LRRC37A: variants seen among roughly 807,000 people sequenced by gnomAD.
LRRC37A encodes the protein leucine-rich repeat-containing protein 37A.
In LRRC37A, 3 loss-of-function variants were observed where a neutral mutation model predicts 35.4. That is an observed-to-expected ratio of 0.08 (90% CI 0.04 to 0.22). LRRC37A has a LOEUF of 0.22. Ranked by LOEUF, LRRC37A falls within the 10% of genes least tolerant of loss-of-function variation. The pLI is 1.00. For missense variants in LRRC37A, 67 were observed against 565.3 expected, an observed-to-expected ratio of 0.12 and a Z score of 8.94; for synonymous variants, 23 against 215.0, an observed-to-expected ratio of 0.11 and a Z score of 7.81.
At chr17:46,282,847 G>A in the LRRC37A span, among the ~76,000 whole-genome samples, 4 of 152,216 alleles carry the variant, frequency 2.6e-5, no homozygotes, top group Non-Finnish European at 5.9e-5. Flanking sequence ...GGCTGGGCGC[G>A]GTGGCTCATG....
the LRRC37A span, among the ~76,000 whole-genome samples, chr17:46,280,664 C>T: frequency 2.0e-5 from 3 of 150,074 alleles, no homozygotes; most frequent in Admixed American, 1.3e-4. Context: ...GCCTCTGCCT[C>T]CCTGTTTCAA....
chr17:46,255,699 G>T, the LRRC37A span, among the ~76,000 whole-genome samples: 159 of 141,094 alleles, frequency 1.1e-3, no homozygotes, highest in African/African-American at 4.1e-3. Context: ...TTTTTGAGAC[G>T]GAGTCTCGCT....
the LRRC37A span, among the ~76,000 whole-genome samples, chr17:46,283,443 C>T: frequency 6.6e-6 from 1 of 152,214 alleles, no homozygotes; most frequent in Non-Finnish European, 1.5e-5. Context: ...ACACTAATTC[C>T]ATTTAAGATT....
the LRRC37A span, among the ~76,000 whole-genome samples, chr17:46,257,740 T>C: frequency 4.6e-5 from 7 of 151,278 alleles, no homozygotes; most frequent in African/African-American, 7.3e-5. Flanking sequence ...GAGGATCCCT[T>C]GAGCCTTGGA....
the LRRC37A span, among the ~76,000 whole-genome samples, chr17:46,276,790 C>CTTTTTTTTTTTT: frequency 2.2e-5 from 3 of 134,302 alleles, no homozygotes; most frequent in Non-Finnish European, 4.8e-5. Context: ...TTCTTTTTTT[C>CTTTTTTTTTTTT]TTTTTTTTTT....
the LRRC37A span, among the ~76,000 whole-genome samples, chr17:46,281,224 C>T: frequency 1.3e-5 from 2 of 152,092 alleles, no homozygotes; most frequent in Non-Finnish European, 2.9e-5. Context: ...TGACCCCTTG[C>T]TCCCCCCACC....
chr17:46,265,035 T>C, the LRRC37A span, among the ~76,000 whole-genome samples: 1 of 152,248 alleles, frequency 6.6e-6, no homozygotes, highest in Non-Finnish European at 1.5e-5. Context: ...TACTAGTGTT[T>C]ATATGACTAG....
At chr17:46,288,212 G>A (rs2049970286), upstream of LRRC37A, among the ~76,000 whole-genome samples, 1 of 151,820 alleles carries the variant, frequency 6.6e-6, no homozygotes, top group South Asian at 2.1e-4. Flanking sequence ...CAGGATCACG[G>A]CCCCCTGCAG....
the LRRC37A span, among the ~76,000 whole-genome samples, chr17:46,278,401 G>GTTTTTTTTTTT: frequency 3.9e-5 from 5 of 129,628 alleles, no homozygotes; most frequent in East Asian, 4.2e-4. Flanking sequence ...GTTTTATTTT[G>GTTTTTTTTTTT]TTTTTTTTTT....
At chr17:46,252,752 A>G in the LRRC37A span, among the ~76,000 whole-genome samples, 1 of 152,134 alleles carries the variant, frequency 6.6e-6, no homozygotes, top group Non-Finnish European at 1.5e-5. Context: ...GAACAAAATG[A>G]AAAGTCTCCC....
At chr17:46,282,516 G>A in the LRRC37A span, among the ~76,000 whole-genome samples, 1 of 151,430 alleles carries the variant, frequency 6.6e-6, no homozygotes, top group Non-Finnish European at 1.5e-5. Flanking sequence ...CTGTACTCAA[G>A]TGATTCTCCT....
the LRRC37A span, among the ~76,000 whole-genome samples, chr17:46,269,799 T>C: frequency 0.11 from 15,470 of 143,730 alleles, 1 homozygote; most frequent in Middle Eastern, 0.17. Flanking sequence ...TAAATCTTGC[T>C]TTGAAATTAG....
At chr17:46,263,788 A>T in the LRRC37A span, among the ~76,000 whole-genome samples, 4 of 144,328 alleles carry the variant, frequency 2.8e-5, no homozygotes, top group African/African-American at 1.0e-4. Flanking sequence ...TGGGAGGTGG[A>T]GGTTGCAGTG....
the LRRC37A span, among the ~76,000 whole-genome samples, chr17:46,282,455 C>A: frequency 6.6e-6 from 1 of 151,416 alleles, no homozygotes; most frequent in Non-Finnish European, 1.5e-5. Context: ...TGCTGTGTCA[C>A]CCAGGCTGGG....
chr17:46,285,636 T>C, the LRRC37A span, among the ~76,000 whole-genome samples: 2 of 152,184 alleles, frequency 1.3e-5, no homozygotes, highest in Non-Finnish European at 2.9e-5. Context: ...AAAAATAAAA[T>C]GTATAAAGAA....
the LRRC37A span, among the ~76,000 whole-genome samples, chr17:46,280,981 TAG>T: frequency 0.074 from 10,091 of 136,962 alleles, no homozygotes; most frequent in Middle Eastern, 0.12. Flanking sequence ...TGGCTGCACA[TAG>T]ACTTCTAGGT....
chr17:46,263,048 A>G, the LRRC37A span, among the ~76,000 whole-genome samples: 1 of 151,928 alleles, frequency 6.6e-6, no homozygotes, highest in Non-Finnish European at 1.5e-5. Flanking sequence ...CCCCATCTCT[A>G]CAGAAAATAT....
chr17:46,270,445 T>C, the LRRC37A span, among the ~76,000 whole-genome samples: 1 of 152,242 alleles, frequency 6.6e-6, no homozygotes, highest in Non-Finnish European at 1.5e-5. Flanking sequence ...AAAATGAGTT[T>C]TGTCCAAATT....
the LRRC37A span, chr17:46,268,646 A>G: frequency 6.5e-7 from 1 of 1,547,636 alleles, no homozygotes; most frequent in Non-Finnish European, 8.7e-7. Context: ...GGTTTAACCC[A>G]AAAAGGGAAG....
Sources: allele counts gnomAD v4.1 joint callset (sites outside exome capture counted in the v4.1 genomes callset), GRCh38; gene constraint gnomAD v4.1.1; transcripts MANE v1.5; gene names NCBI Gene and HGNC (gene_info 2026-07-23, HGNC 2026-07-21).